Variants in MARCHF1 observed in about 807,000 individuals in gnomAD.
MARCHF1 encodes the protein E3 ubiquitin-protein ligase MARCHF1.
In MARCHF1, 40 loss-of-function variants were observed where a neutral mutation model predicts 54.2. That is an observed-to-expected ratio of 0.74 (90% confidence interval 0.57 to 0.96). The LOEUF (loss-of-function observed/expected upper bound fraction) is 0.96, where lower values mean the gene tolerates loss of function less well. Ranked by LOEUF, MARCHF1 falls within the 40% of genes least tolerant of loss-of-function variation. MARCHF1 has a pLI of 0.00. For missense variants in MARCHF1, 586 were observed against 656.5 expected, an observed-to-expected ratio of 0.89 and a Z score of 1.17; for synonymous variants, 236 against 236.3, an observed-to-expected ratio of 1.00 and a Z score of 0.01.
At chr4:164,307,075 T>C (rs2111412027) in intron 1 of MARCHF1, among the ~76,000 whole-genome samples, 1 of 152,272 alleles carries the variant, frequency 6.6e-6, no homozygotes, top group African/African-American at 2.4e-5. Flanking sequence ...AACTCTTGCT[T>C]GAACAAAAGA....
chr4:163,900,358 A>G (rs1214783862), intron 3 of MARCHF1, among the ~76,000 whole-genome samples: 2 of 150,598 alleles, frequency 1.3e-5, no homozygotes, highest in Admixed American at 1.3e-4. Flanking sequence ...TTTTAAAAAA[A>G]CTCTCCAATG....
intron 1 of MARCHF1, among the ~76,000 whole-genome samples, chr4:164,279,387 T>C (rs1366440811): frequency 6.6e-6 from 1 of 151,352 alleles, no homozygotes; most frequent in East Asian, 1.9e-4. Flanking sequence ...AAAATCTCTG[T>C]CAAAACTAAA....
intron 2 of MARCHF1, among the ~76,000 whole-genome samples, chr4:164,097,455 T>C (rs1002401969): frequency 6.6e-6 from 1 of 152,216 alleles, no homozygotes; most frequent in Non-Finnish European, 1.5e-5. Flanking sequence ...ATAGATATCA[T>C]AAACTATGAT....
intron 4 of MARCHF1, among the ~76,000 whole-genome samples, chr4:163,813,893 CT>C (rs577989839): frequency 2.7e-3 from 407 of 152,208 alleles, no homozygotes; most frequent in Admixed American, 5.3e-3. Context: ...CCCTCATGGC[CT>C]TTGGAACACC....
chr4:163,732,701 AGT>A (rs139088819), intron 4 of MARCHF1, among the ~76,000 whole-genome samples: 1,990 of 152,290 alleles, frequency 0.013, 13 homozygotes, highest in Non-Finnish European at 0.021. Flanking sequence ...GCTAGAAAAC[AGT>A]GGAGCAACAG....
At chr4:164,133,480 A>G (rs1756342088) in intron 1 of MARCHF1, among the ~76,000 whole-genome samples, 1 of 152,216 alleles carries the variant, frequency 6.6e-6, no homozygotes, top group Non-Finnish European at 1.5e-5. Context: ...ATTCAAAACC[A>G]TTATAAAATT....
chr4:163,988,325 A>T (rs1426962215), intron 3 of MARCHF1, among the ~76,000 whole-genome samples, 176 bp downstream of exon 3: 1 of 152,194 alleles, frequency 6.6e-6, no homozygotes, highest in Admixed American at 6.5e-5. Flanking sequence ...CACAAAATAG[A>T]GGTGAAGTTT....
chr4:164,317,362 C>CT (rs907082797), intron 1 of MARCHF1, among the ~76,000 whole-genome samples: 1 of 152,120 alleles, frequency 6.6e-6, no homozygotes. Context: ...TGGAAGTAAG[C>CT]TGGTAGAGTA....
At chr4:163,670,028 CA>C (rs1211020056) in intron 5 of MARCHF1, among the ~76,000 whole-genome samples, 1 of 152,066 alleles carries the variant, frequency 6.6e-6, no homozygotes, top group Non-Finnish European at 1.5e-5. Context: ...AATCATGATC[CA>C]AATTACTTAG....
At chr4:164,342,367 T>C (rs771855572) in intron 1 of MARCHF1, among the ~76,000 whole-genome samples, 15 of 152,128 alleles carry the variant, frequency 9.9e-5, no homozygotes, top group Middle Eastern at 3.4e-3. Context: ...TAGAAATGTA[T>C]AAGTTCATAC....
chr4:164,180,839 G>T (rs7659131), intron 1 of MARCHF1, among the ~76,000 whole-genome samples: 15 of 151,952 alleles, frequency 9.9e-5, no homozygotes, highest in Admixed American at 6.6e-5. Context: ...TGCTACATCC[G>T]CTTGCCATCT....
chr4:164,209,677 A>G (rs760565416), intron 1 of MARCHF1, among the ~76,000 whole-genome samples: 14 of 152,314 alleles, frequency 9.2e-5, no homozygotes, highest in African/African-American at 3.1e-4. Flanking sequence ...TGTTGTCCTC[A>G]TTGTATAAAA....
chr4:163,655,214 GTTTA>G (rs1277285452), intron 5 of MARCHF1, among the ~76,000 whole-genome samples: 2 of 151,340 alleles, frequency 1.3e-5, no homozygotes, highest in South Asian at 2.1e-4. Flanking sequence ...TTACTCTTTT[GTTTA>G]TTCATTCATA....
At chr4:163,570,323 G>A (rs545376799) in intron 8 of MARCHF1, among the ~76,000 whole-genome samples, 1 of 152,158 alleles carries the variant, frequency 6.6e-6, no homozygotes, top group South Asian at 2.1e-4. Flanking sequence ...ATGGAGGGAT[G>A]GGAGAGACAA....
intron 1 of MARCHF1, among the ~76,000 whole-genome samples, chr4:164,196,740 T>A (rs925792943): frequency 2.0e-5 from 3 of 152,214 alleles, no homozygotes; most frequent in Non-Finnish European, 4.4e-5. Flanking sequence ...AAAGCTAGTA[T>A]CCCAGTTAAT....
intron 3 of MARCHF1, among the ~76,000 whole-genome samples, chr4:163,928,417 G>A (rs919227512): frequency 3.9e-5 from 6 of 152,032 alleles, no homozygotes; most frequent in South Asian, 2.1e-4. Flanking sequence ...AGAGCTAGGC[G>A]TGGTGGCAGA....
At chr4:164,091,812 T>C (rs1006315385) in intron 2 of MARCHF1, among the ~76,000 whole-genome samples, 1 of 151,868 alleles carries the variant, frequency 6.6e-6, no homozygotes, top group South Asian at 2.1e-4. Context: ...AAAGGAAATA[T>C]CTAAGAAGAG....
chr4:164,207,655 C>T (rs969886497), intron 1 of MARCHF1, among the ~76,000 whole-genome samples: 4 of 152,122 alleles, frequency 2.6e-5, no homozygotes, highest in African/African-American at 9.7e-5. Context: ...TGCTGGTGTT[C>T]ACCACAGCAG....
intron 8 of MARCHF1, among the ~76,000 whole-genome samples, chr4:163,568,398 T>C (rs746367207): frequency 3.9e-5 from 6 of 152,106 alleles, no homozygotes; most frequent in Non-Finnish European, 7.4e-5. Flanking sequence ...TTCTACTGTT[T>C]CTCCAAAGTC....
Sources: gnomAD v4.1 joint callset for allele counts (sites outside exome capture counted in the v4.1 genomes callset) on GRCh38, gnomAD v4.1.1 for gene constraint, MANE v1.5 for transcripts, NCBI Gene and HGNC (gene_info 2026-07-23, HGNC 2026-07-21) for gene names.